EML4: variants seen among roughly 807,000 people sequenced by gnomAD.
EML4 encodes EMAP like 4, also known as echinoderm microtubule-associated protein-like 4.
In EML4, 72 loss-of-function variants were observed where a neutral mutation model predicts 129.0. The ratio of observed to expected loss-of-function variants is 0.56; its 90% CI spans 0.46 to 0.68. The LOEUF (loss-of-function observed/expected upper bound fraction) is 0.68. Among genes scored for constraint, EML4 ranks in the 30% least tolerant of loss-of-function variants. The pLI is 0.00. For synonymous variants in EML4, 532 were observed against 405.0 expected (o/e 1.31, Z -3.77); for missense variants, 1,363 against 1,190.6 (o/e 1.14, Z -2.13).
intron 19 of EML4, among the ~76,000 whole-genome samples, chr2:42,323,394 C>G (rs1395810843): frequency 6.6e-6 from 1 of 152,144 alleles, no homozygotes; most frequent in Non-Finnish European, 1.5e-5. Flanking sequence ...GCAAGTGATT[C>G]CCAACGTGTT....
At chr2:42,198,438 C>G (rs886811959) in intron 1 of EML4, among the ~76,000 whole-genome samples, 2 of 152,162 alleles carry the variant, frequency 1.3e-5, no homozygotes, top group African/African-American at 4.8e-5. Context: ...GGTGTGGTGG[C>G]TAACACCTGT....
At chr2:42,193,737 G>C (rs948996156) in intron 1 of EML4, among the ~76,000 whole-genome samples, 1 of 147,194 alleles carries the variant, frequency 6.8e-6, no homozygotes, top group Non-Finnish European at 1.5e-5. Context: ...CTAGGCTGTT[G>C]TGCAGCAGCA....
rs1338876154 is a variant in EML4 at position 42,330,617 on chromosome 2, T to A, written c.*410T>A. 7.3e-6 allele frequency: 2 copies of A among 274,734 alleles called. No individual in the cohort carries two copies. The highest frequency in any genetic ancestry group is 5.7e-5 in the East Asian group (1 of 17,424). 17.0% of individuals were successfully genotyped at this position (274,734 alleles called of 1,614,324 possible). On this transcript the variant is annotated 3_prime_UTR_variant, in exon 23 of 23. Coordinates refer to ENST00000318522, the MANE Select transcript of EML4 (RefSeq NM_019063.5). ...ACTCATCTACTGGCTCAGACTGTACTACTTTTTTTTTTTTTTTTCCTGAAA... is the reference window on the plus strand; with the variant it reads ...ACTCATCTACTGGCTCAGACTGTACAACTTTTTTTTTTTTTTTTCCTGAAA...
chr2:42,286,482 T>C, intron 10 of EML4, 103 bp downstream of exon 10: 2 of 716,858 alleles, frequency 2.8e-6, no homozygotes, highest in Admixed American at 2.1e-5. Context: ...TAATCCTGAG[T>C]TGAAAAATGA....
intron 13 of EML4, among the ~76,000 whole-genome samples, chr2:42,297,039 C>CT (rs1300332892): frequency 2.0e-5 from 3 of 152,098 alleles, no homozygotes; most frequent in Non-Finnish European, 4.4e-5. Flanking sequence ...AACAAGAAGC[C>CT]TTAAATTGTA....
chr2:42,169,381 G>T lies in EML4; in HGVS notation c.-231G>T, dbSNP rs1380231173. The T allele has an allele frequency of 1.4e-5, 4 of 295,134 alleles. No individual in the cohort carries two copies. The highest frequency in any genetic ancestry group is 1.9e-5 in the Non-Finnish European group (3 of 159,230). 18.3% of individuals were successfully genotyped at this position (295,134 alleles called of 1,614,324 possible). ...GCGCTCGCGGCTGCTGCCTGGGAGG[G>T]AGGCCGGGCAGGCGGCTGAGCGGCG... On this transcript the variant is annotated 5_prime_UTR_variant, in exon 1 of 23. Coordinates refer to ENST00000318522, the MANE Select transcript of EML4 (RefSeq NM_019063.5).
chr2:42,174,982 A>C (rs948096255), intron 1 of EML4, among the ~76,000 whole-genome samples: 1 of 151,228 alleles, frequency 6.6e-6, no homozygotes, highest in Non-Finnish European at 1.5e-5. Flanking sequence ...ATGTCTGGCT[A>C]ATTTTTGTAT....
rs1473517731 is a variant in EML4 at position 42,317,601 on chromosome 2, G to C, written c.2154+77G>C. ...GTTAAAAACAAATTTTTACATCGAT[G>C]TGTGTGTTGTTTCCTGTCGTTAGCT... On this transcript the variant is annotated intron_variant, in intron 19 of 22. Transcript: ENST00000318522. 20 of 950,444 alleles carry C rather than the reference G, an allele frequency of 2.1e-5. No individual in the cohort carries two copies. In the Admixed American group the frequency reaches 2.9e-4, roughly 14 times the overall value. 58.9% of individuals were successfully genotyped at this position (950,444 alleles called of 1,614,324 possible). A position where few individuals can be genotyped will look rare whatever the true frequency, so the allele number is the denominator to read the frequency against.
At chr2:42,244,925 G>C (rs1247785232) in intron 1 of EML4, among the ~76,000 whole-genome samples, 1 of 151,808 alleles carries the variant, frequency 6.6e-6, no homozygotes, top group Non-Finnish European at 1.5e-5. Context: ...TTAAGATGAT[G>C]TTGTAAAAAT....
intron 19 of EML4, chr2:42,319,870 T>A (rs749183865): frequency 3.3e-5 from 5 of 152,228 alleles, no homozygotes; most frequent in Non-Finnish European, 5.9e-5. Flanking sequence ...GTGACTGTTA[T>A]AGCTGCAGAA....
chr2:42,198,532 A>G (rs559794965), intron 1 of EML4, among the ~76,000 whole-genome samples: 13 of 152,266 alleles, frequency 8.5e-5, no homozygotes, highest in Non-Finnish European at 1.3e-4. Context: ...ACATAGTGAG[A>G]CTTCCATCTC....
chr2:42,245,094 CTT>C lies in EML4; in HGVS notation c.26-394_26-393del, dbSNP rs56808218. ...AGTTTTTTGTTTTGAAATTTTCTTT[CTT>C]TTTTTTTTTTTTTTTTGAGACAGAC... On this transcript the variant is annotated intron_variant, in intron 1 of 22. Coordinates refer to ENST00000318522, the MANE Select transcript of EML4 (RefSeq NM_019063.5). Among the ~76,000 whole-genome samples, 32 of 66,568 alleles carry C rather than the reference CTT, an allele frequency of 4.8e-4. 2 individuals carry two copies. The highest frequency in any genetic ancestry group is 1.7e-3 in the African/African-American group (26 of 15,502). The allele number at this position is 66,568 out of a possible 152,430, so 43.7% of individuals were successfully genotyped here.
Position 42,322,361 on chromosome 2 carries a change from A to AT in EML4, c.2155-3100dup, listed in dbSNP as rs755537559. Among the ~76,000 whole-genome samples, 161 of 152,340 alleles carry AT rather than the reference A, an allele frequency of 1.1e-3. 1 individual carries two copies. The highest frequency in any genetic ancestry group is 1.9e-3 in the Non-Finnish European group (127 of 68,032). ...TGCATTGGACTGCACTGATACAGATATTTTTTATCACTGCAGAAAGTTCCA... is the reference window on the plus strand; with the variant it reads ...TGCATTGGACTGCACTGATACAGATATTTTTTTATCACTGCAGAAAGTTCCA... On this transcript the variant is annotated intron_variant, in intron 19 of 22. Transcript: ENST00000318522.
At chr2:42,275,826 A>G (rs1183710782) in intron 6 of EML4, among the ~76,000 whole-genome samples, 2 of 151,998 alleles carry the variant, frequency 1.3e-5, no homozygotes, top group African/African-American at 4.8e-5. Flanking sequence ...AATACCTCAT[A>G]CTGTGTTTAA....
chr2:42,208,450 T>G (rs1672690099), intron 1 of EML4, among the ~76,000 whole-genome samples: 1 of 151,216 alleles, frequency 6.6e-6, no homozygotes, highest in Non-Finnish European at 1.5e-5. Context: ...TTTTCTTTTT[T>G]TTTTTTGAGA....
intron 3 of EML4, among the ~76,000 whole-genome samples, chr2:42,259,141 GGA>G (rs1665545954): frequency 5.3e-5 from 8 of 152,004 alleles, no homozygotes; most frequent in Non-Finnish European, 1.2e-4. Flanking sequence ...CAGCTGCTGG[GGA>G]AGCTGAGGTG....
At chr2:42,241,593 C>T (rs574041783) in intron 1 of EML4, among the ~76,000 whole-genome samples, 1 of 152,306 alleles carries the variant, frequency 6.6e-6, no homozygotes, top group African/African-American at 2.4e-5. Context: ...TCTATTTTCA[C>T]ACAGCGACCA....
intron 1 of EML4, among the ~76,000 whole-genome samples, chr2:42,235,883 G>C (rs1315797602): frequency 8.6e-5 from 13 of 152,036 alleles, no homozygotes; most frequent in Non-Finnish European, 1.5e-5. Flanking sequence ...ACAAAAAATG[G>C]ATTCATTGTT....
At chr2:42,188,619 C>A (rs1020743347) in intron 1 of EML4, among the ~76,000 whole-genome samples, 11 of 152,032 alleles carry the variant, frequency 7.2e-5, no homozygotes, top group African/African-American at 2.7e-4. Flanking sequence ...GATCTTGGCT[C>A]ACTGCAGCCT....
Sources: allele counts gnomAD v4.1 joint callset (sites outside exome capture counted in the v4.1 genomes callset), GRCh38; gene constraint gnomAD v4.1.1; transcripts MANE v1.5; gene names NCBI Gene and HGNC (gene_info 2026-07-23, HGNC 2026-07-21).